The following GABBR1 variants were observed in gnomAD, a reference collection of about 807,000 sequenced individuals.
GABBR1 encodes gamma-aminobutyric acid type B receptor subunit 1.
Under a neutral mutation model 117.7 loss-of-function variants are expected in GABBR1, and 35 were observed. The ratio of observed to expected loss-of-function variants is 0.30; its 90% CI spans 0.23 to 0.39. The LOEUF (loss-of-function observed/expected upper bound fraction) is 0.39. Among genes scored for constraint, GABBR1 ranks in the 10% least tolerant of loss-of-function variants. GABBR1 has a pLI of 1.00. For synonymous variants in GABBR1, 442 were observed against 486.6 expected (o/e 0.91, Z 1.21); for missense variants, 709 against 1,241.8 (o/e 0.57, Z 6.45).
Position 29,613,328 on chromosome 6 carries a change from C to A in GABBR1, c.1481G>T (p.Arg494Leu), listed in dbSNP as rs548511243. ...TSGGGGRSGV[R>L]LEDFNYNNQT... ...GTTGTTGTAGTTGAAGTCCTCCAGG[C>A]GCACACCAGAACGGCCGCCTCCTCC... Residue 494 changes from arginine (R) to leucine (L), a missense_variant, in exon 12 of 23, where the codon CGC becomes CTC. Physicochemically the swap from Arg to Leu is moderately radical, Grantham distance 102. Transcript: ENST00000377034. This position sits in a 1 kb window ranked among gnomAD's most constrained non-coding sequence, Gnocchi z 4.1. The A allele has an allele frequency of 1.2e-6, 2 of 1,613,066 alleles. No homozygotes were observed. The highest frequency in any genetic ancestry group is 1.1e-5 in the South Asian group (1 of 91,088).
chr6:29,630,764 T>C lies in GABBR1; in HGVS notation c.290-121A>G, dbSNP rs1764879504. On this transcript the variant is annotated intron_variant, in intron 3 of 22. Transcript: ENST00000377034. This position sits in a 1 kb window ranked among gnomAD's most constrained non-coding sequence, Gnocchi z 4.9. ...GCATCCTGCTCTAAAGAAAATCACATGTGAAAAGGATTTGCCTACCTATCT... is the reference window on the plus strand; with the variant it reads ...GCATCCTGCTCTAAAGAAAATCACACGTGAAAAGGATTTGCCTACCTATCT... 2.7e-6 allele frequency: 2 copies of C among 749,390 alleles called. No homozygotes were observed. Among genetic ancestry groups the C allele is most frequent in the African/African-American group, 1.8e-5 (1 of 56,698 alleles). The allele number at this position is 749,390 out of a possible 1,614,324, so 46.4% of individuals were successfully genotyped here.
At chr6:29,628,228 G>T in intron 5 of GABBR1, 1 of 940,520 alleles carries the variant, frequency 1.1e-6, no homozygotes, top group Non-Finnish European at 1.3e-6. Flanking sequence ...GGAAAGGAAC[G>T]AAAGAGGAAG....
intron 11 of GABBR1, among the ~76,000 whole-genome samples, chr6:29,615,608 T>TAA (rs767969781): frequency 1.6e-5 from 2 of 126,970 alleles, no homozygotes. Flanking sequence ...GACTCTGCCT[T>TAA]TAAAAAAAAA....
rs776588466 is a variant in GABBR1 at position 29,603,347 on chromosome 6, GA to G, written c.*195del. 4.1e-5 allele frequency: 29 copies of G among 707,934 alleles called. No individual in the cohort carries two copies. The African/African-American group carries it at 4.2e-4, about 10-fold the overall frequency. The allele number at this position is 707,934 out of a possible 1,614,324, so 43.9% of individuals were successfully genotyped here. ...CAAAATTACATGAAGCAGTAAGAGA[GA>G]AAAAGGTCTGTTTCCCAGAGGTATG... On this transcript the variant is annotated 3_prime_UTR_variant, in exon 23 of 23. Transcript: ENST00000377034.
chr6:29,630,276 G>C lies in GABBR1; in HGVS notation c.475+182C>G. 3.5e-6 allele frequency: 2 copies of C among 567,852 alleles called. No homozygotes were observed. The highest frequency in any genetic ancestry group is 6.3e-6 in the Non-Finnish European group (2 of 319,160). The allele number at this position is 567,852 out of a possible 1,614,324, so 35.2% of individuals were successfully genotyped here. On this transcript the variant is annotated intron_variant, in intron 4 of 22. Coordinates refer to ENST00000377034, the MANE Select transcript of GABBR1 (RefSeq NM_001470.4). The surrounding 1 kb of genome is among the most constrained non-coding windows in gnomAD (Gnocchi z 4.9). ...AAGCCCCCAACCTACAGAGGATACC[G>C]GGGACTGCAAGAGGAAGTTTGAGGC...
chr6:29,627,199 A>G lies in GABBR1; in HGVS notation c.657+287T>C, dbSNP rs1038268963. The stretch of plus-strand genomic sequence containing the variant: ...CTCCTAATACCTTAAATCCACCACC[A>G]GTTTCTCCAAACCCCGACACTTCTG... On this transcript the variant is annotated intron_variant, in intron 6 of 22. Coordinates refer to ENST00000377034, the MANE Select transcript of GABBR1 (RefSeq NM_001470.4). The surrounding 1 kb of genome is among the most constrained non-coding windows in gnomAD (Gnocchi z 4.4). 6.6e-6 allele frequency among the ~76,000 whole-genome samples: 1 copy of G among 152,042 alleles called. No individual in the cohort carries two copies. Among genetic ancestry groups the G allele is most frequent in the African/African-American group, 2.4e-5 (1 of 41,400 alleles).
Position 29,622,021 on chromosome 6 carries a change from C to G in GABBR1, c.1065+83G>C. On this transcript the variant is annotated intron_variant, in intron 9 of 22. Transcript: ENST00000377034. This position sits in a 1 kb window ranked among gnomAD's most constrained non-coding sequence, Gnocchi z 4.6. ...GCCTCAGAGAATCAAAACCTGCCCC[C>G]GCCTGGCTTTCCTCTCCAACCAGTC... is the stretch of plus-strand genomic sequence containing the variant. 3.1e-6 allele frequency: 4 copies of G among 1,284,138 alleles called. No homozygotes were observed. In the East Asian group the frequency reaches 9.3e-5, roughly 30 times the overall value. 79.5% of individuals were successfully genotyped at this position (1,284,138 alleles called of 1,614,324 possible).
chr6:29,608,868 AAG>A, intron 15 of GABBR1, 135 bp from the exon 16 acceptor site: 1 of 980,492 alleles, frequency 1.0e-6, no homozygotes, highest in South Asian at 1.7e-5. Flanking sequence ...AGGATTGGAG[AAG>A]ACAGTGGAGC....
chr6:29,622,000 C>T lies in GABBR1; in HGVS notation c.1065+104G>A, dbSNP rs1763800860. On this transcript the variant is annotated intron_variant, in intron 9 of 22. Coordinates refer to ENST00000377034, the MANE Select transcript of GABBR1 (RefSeq NM_001470.4). This position sits in a 1 kb window ranked among gnomAD's most constrained non-coding sequence, Gnocchi z 5.0. ...ACTTCCCCAGGAGATGCTATTGCCT[C>T]AGAGAATCAAAACCTGCCCCCGCCT... The T allele has an allele frequency of 8.9e-7, 1 of 1,124,010 alleles. No homozygotes were observed. The highest frequency in any genetic ancestry group is 1.3e-6 in the Non-Finnish European group (1 of 752,338). The allele number at this position is 1,124,010 out of a possible 1,614,324, so 69.6% of individuals were successfully genotyped here.
rs566062466 is a variant in GABBR1 at position 29,609,566 on chromosome 6, G to A, written c.1709-187C>T. Reference sequence around the variant, plus strand: ...TGCAGGCAGAATGCTCAGTGCCACTGGGGCCGTTAGGAAGCAACCAGAAAT... The same window carrying A: ...TGCAGGCAGAATGCTCAGTGCCACTAGGGCCGTTAGGAAGCAACCAGAAAT... On this transcript the variant is annotated intron_variant, in intron 14 of 22. Coordinates refer to ENST00000377034, the MANE Select transcript of GABBR1 (RefSeq NM_001470.4). This position sits in a 1 kb window ranked among gnomAD's most constrained non-coding sequence, Gnocchi z 4.3. Among the ~76,000 whole-genome samples, 9 of 152,312 alleles carry A rather than the reference G, an allele frequency of 5.9e-5. No individual in the cohort carries two copies. The highest frequency in any genetic ancestry group is 2.2e-4 in the African/African-American group (9 of 41,566).
chr6:29,631,278 T>C lies in GABBR1; in HGVS notation c.289+118A>G. The C allele has an allele frequency of 9.7e-7, 1 of 1,035,782 alleles. No individual in the cohort carries two copies. The highest frequency in any genetic ancestry group is 1.5e-6 in the Non-Finnish European group (1 of 688,798). 64.2% of individuals were successfully genotyped at this position (1,035,782 alleles called of 1,614,324 possible). On this transcript the variant is annotated intron_variant, in intron 3 of 22. Transcript: ENST00000377034. The surrounding 1 kb of genome is among the most constrained non-coding windows in gnomAD (Gnocchi z 5.9). ...TCTTATGTAGTAGTCATTCAATAAA[T>C]GTATTTGTGAATTTTGGTATACTGG...
chr6:29,602,906 A>C lies in GABBR1; in HGVS notation c.*637T>G, dbSNP rs1356235442. The C allele has an allele frequency of 2.4e-6, 1 of 425,258 alleles. No individual in the cohort carries two copies. The highest frequency in any genetic ancestry group is 1.7e-5 in the South Asian group (1 of 58,394). The allele number at this position is 425,258 out of a possible 1,614,324, so 26.3% of individuals were successfully genotyped here. On this transcript the variant is annotated 3_prime_UTR_variant, in exon 23 of 23. Coordinates refer to ENST00000377034, the MANE Select transcript of GABBR1 (RefSeq NM_001470.4). Reference sequence around the variant, plus strand: ...AAGCATACGGGAAAAGCGTGTGTACACATGAGCATGTTCAGTGGGCACACG... The same window carrying C: ...AAGCATACGGGAAAAGCGTGTGTACCCATGAGCATGTTCAGTGGGCACACG...
Position 29,632,674 on chromosome 6 carries a change from TG to T in GABBR1, c.-1+175del. ...CCGGCCCCCGCGGCTCGCAGAAGCC[TG>T]GCTTACCCACGCTCCCGGCATCGGC... On this transcript the variant is annotated intron_variant, in intron 1 of 22. Coordinates refer to ENST00000377034, the MANE Select transcript of GABBR1 (RefSeq NM_001470.4). This position sits in a 1 kb window ranked among gnomAD's most constrained non-coding sequence, Gnocchi z 5.8. The T allele has an allele frequency of 7.1e-7, 1 of 1,402,116 alleles. No individual in the cohort carries two copies. Among genetic ancestry groups the T allele is most frequent in the South Asian group, 1.3e-5 (1 of 75,562 alleles). The allele number at this position is 1,402,116 out of a possible 1,614,324, so 86.9% of individuals were successfully genotyped here. A position where few individuals can be genotyped will look rare whatever the true frequency, so the allele number is the denominator to read the frequency against.
At chr6:29,612,054 T>C (rs147719077) in intron 13 of GABBR1, among the ~76,000 whole-genome samples, 57 of 152,298 alleles carry the variant, frequency 3.7e-4, no homozygotes, top group African/African-American at 1.3e-3. Flanking sequence ...CAGGCTGGAG[T>C]GCAGTGGCGT....
intron 14 of GABBR1, 33 bp downstream of exon 14, chr6:29,610,891 G>A (rs1358363210): frequency 1.3e-6 from 2 of 1,570,874 alleles, no homozygotes; most frequent in South Asian, 2.2e-5. Flanking sequence ...TGTCGAGAGG[G>A]GCTGAAGGAA....
In GABBR1 at chr6:29,630,152, C is replaced by T. The variant is rs1764807854; in HGVS notation, c.475+306G>A. The T allele has an allele frequency of 2.9e-6, 1 of 349,738 alleles. No homozygotes were observed. The highest frequency in any genetic ancestry group is 2.1e-5 in the African/African-American group (1 of 48,320). The allele number at this position is 349,738 out of a possible 1,614,324, so 21.7% of individuals were successfully genotyped here. On this transcript the variant is annotated intron_variant, in intron 4 of 22. Transcript: ENST00000377034. The surrounding 1 kb of genome is among the most constrained non-coding windows in gnomAD (Gnocchi z 4.9). Reference sequence around the variant, plus strand: ...GAAAGGGAAAATTGGAGTATTTAAACCTGAAGAAGGTGAGAGAGGTGAGAT... The same window carrying T: ...GAAAGGGAAAATTGGAGTATTTAAATCTGAAGAAGGTGAGAGAGGTGAGAT...
At chr6:29,608,788 G>C in intron 15 of GABBR1, 55 bp from the exon 16 acceptor site, 1 of 1,586,572 alleles carries the variant, frequency 6.3e-7, no homozygotes, top group Non-Finnish European at 8.6e-7. Flanking sequence ...TCTTCTCCAG[G>C]GAGGCTGAGC....
intron 11 of GABBR1, among the ~76,000 whole-genome samples, chr6:29,616,846 CAAAAA>C (rs28383807): frequency 1.3e-5 from 1 of 74,440 alleles, no homozygotes; most frequent in Admixed American, 1.5e-4. Context: ...TACTCTACCT[CAAAAA>C]AAAAAAAAAA....
Position 29,630,706 on chromosome 6 carries a change from G to A in GABBR1, c.290-63C>T. On this transcript the variant is annotated intron_variant, in intron 3 of 22. Transcript: ENST00000377034. This position sits in a 1 kb window ranked among gnomAD's most constrained non-coding sequence, Gnocchi z 4.9. ...GAAGAAGGCTCTTTCCCTTTAAAGA[G>A]CAGGGGACTCAGGTGCAGGTTTGGG... 1 of 1,449,526 alleles carries A rather than the reference G, an allele frequency of 6.9e-7. No individual in the cohort carries two copies. The highest frequency in any genetic ancestry group is 9.5e-7 in the Non-Finnish European group (1 of 1,051,152). The allele number at this position is 1,449,526 out of a possible 1,614,324, so 89.8% of individuals were successfully genotyped here. A position where few individuals can be genotyped will look rare whatever the true frequency, so the allele number is the denominator to read the frequency against.
Sources: allele counts gnomAD v4.1 joint callset (sites outside exome capture counted in the v4.1 genomes callset), GRCh38; gene constraint gnomAD v4.1.1; non-coding constraint Gnocchi (gnomAD v3.1); transcripts MANE v1.5; gene names NCBI Gene and HGNC (gene_info 2026-07-23, HGNC 2026-07-21).